NUBPL: variants seen among roughly 807,000 people sequenced by gnomAD.
The protein encoded by NUBPL is NUBP iron-sulfur cluster assembly factor, mitochondrial.
Under a neutral mutation model 45.7 loss-of-function variants are expected in NUBPL, and 31 were observed. The observed-to-expected ratio is 0.68, with a 90% CI of 0.51 to 0.92. The LOEUF (loss-of-function observed/expected upper bound fraction) is 0.92. NUBPL is among the 40% of genes least tolerant of loss of function. NUBPL has a pLI of 0.00. For synonymous variants in NUBPL, 144 were observed against 140.9 expected, an observed-to-expected ratio of 1.02 and a Z score of -0.15; for missense variants, 401 against 398.7, an observed-to-expected ratio of 1.01 and a Z score of -0.05.
chr14:31,679,818 A>G (rs911125556), intron 6 of NUBPL, among the ~76,000 whole-genome samples: 1 of 152,208 alleles, frequency 6.6e-6, no homozygotes, highest in African/African-American at 2.4e-5. Context: ...TATTCAATAT[A>G]TAGAACAATT....
rs141848218 is a variant in NUBPL at position 31,790,846 on chromosome 14, C to T, written c.607+2973C>T. Among the ~76,000 whole-genome samples the T allele has an allele frequency of 6.5e-3, 989 of 152,060 alleles. 11 individuals carry two copies. Among genetic ancestry groups the T allele is most frequent in the African/African-American group, 0.022 (927 of 41,474 alleles). ...AGCCTGGGCGACAAAGTGAGACTGT[C>T]TTAAAAAACAAAAAAACAAAAAACA... On this transcript the variant is annotated intron_variant, in intron 7 of 10. Coordinates refer to ENST00000281081, the MANE Select transcript of NUBPL (RefSeq NM_025152.3).
chr14:31,667,349 G>A (rs2036457689), intron 4 of NUBPL, among the ~76,000 whole-genome samples: 1 of 151,708 alleles, frequency 6.6e-6, no homozygotes, highest in East Asian at 2.0e-4. Flanking sequence ...TTCGACTATT[G>A]ATACTTGTGT....
intron 6 of NUBPL, among the ~76,000 whole-genome samples, chr14:31,689,398 G>T (rs2037041362): frequency 2.6e-5 from 4 of 152,178 alleles, no homozygotes; most frequent in Admixed American, 2.6e-4. Flanking sequence ...TTGTGGTTTT[G>T]ATTTGCATTT....
At chr14:31,564,505 T>TAA (rs60926550) in intron 2 of NUBPL, among the ~76,000 whole-genome samples, 259 of 112,504 alleles carry the variant, frequency 2.3e-3, no homozygotes, top group African/African-American at 7.9e-3. Context: ...ACCCTGTCTG[T>TAA]AAAAAAAAAA....
intron 6 of NUBPL, among the ~76,000 whole-genome samples, chr14:31,769,661 T>A (rs552926203): frequency 1.1e-3 from 165 of 150,340 alleles, no homozygotes; most frequent in African/African-American, 3.8e-3. Context: ...CTCCTTTTTT[T>A]TAAAAAAAAA....
chr14:31,637,327 T>C (rs1475109688), intron 4 of NUBPL, among the ~76,000 whole-genome samples: 1 of 152,252 alleles, frequency 6.6e-6, no homozygotes, highest in African/African-American at 2.4e-5. Context: ...TCTTTATTTC[T>C]ACCTTCATTT....
At chr14:31,778,157 A>G (rs1982014) in intron 6 of NUBPL, among the ~76,000 whole-genome samples, 24,401 of 152,200 alleles carry the variant, frequency 0.16, 5,555 homozygotes, top group African/African-American at 0.51. Context: ...AACTGACTGA[A>G]TAGATGGGAA....
intron 6 of NUBPL, among the ~76,000 whole-genome samples, chr14:31,745,168 A>G (rs1159200724): frequency 6.6e-6 from 1 of 152,064 alleles, no homozygotes; most frequent in Non-Finnish European, 1.5e-5. Context: ...CGTCATTTGC[A>G]TTAGGTATGT....
chr14:31,816,061 G>A (rs558514800), intron 7 of NUBPL, among the ~76,000 whole-genome samples: 131 of 152,268 alleles, frequency 8.6e-4, no homozygotes, highest in African/African-American at 3.0e-3. Context: ...AAATGAGTTA[G>A]GGAGGACTCC....
intron 10 of NUBPL, among the ~76,000 whole-genome samples, chr14:31,854,894 A>G (rs1039832385): frequency 4.6e-5 from 7 of 152,246 alleles, no homozygotes; most frequent in African/African-American, 1.7e-4. Context: ...TTTAGCCTCA[A>G]CAGTTTTTGA....
chr14:31,718,202 T>C (rs1219576580), intron 6 of NUBPL, among the ~76,000 whole-genome samples: 1 of 152,214 alleles, frequency 6.6e-6, no homozygotes, highest in Non-Finnish European at 1.5e-5. Context: ...GTCCCAGATC[T>C]GCTGCTATCT....
intron 4 of NUBPL, among the ~76,000 whole-genome samples, chr14:31,635,250 T>G (rs1358502124): frequency 6.6e-6 from 1 of 152,204 alleles, no homozygotes; most frequent in Non-Finnish European, 1.5e-5. Flanking sequence ...TTAATCCATC[T>G]TGAATTAATT....
intron 6 of NUBPL, among the ~76,000 whole-genome samples, chr14:31,689,970 T>C (rs1016195950): frequency 2.0e-5 from 3 of 151,570 alleles, no homozygotes; most frequent in African/African-American, 7.3e-5. Context: ...GATCAGATGG[T>C]TGTAGGTGTG....
At chr14:31,658,587 A>C (rs2036196572) in intron 4 of NUBPL, among the ~76,000 whole-genome samples, 1 of 151,000 alleles carries the variant, frequency 6.6e-6, no homozygotes. Context: ...ATTTCAGCTC[A>C]CTGCAGCCTC....
chr14:31,809,498 C>A (rs1429763680), intron 7 of NUBPL, among the ~76,000 whole-genome samples: 2 of 151,420 alleles, frequency 1.3e-5, no homozygotes, highest in African/African-American at 4.9e-5. Context: ...CTTTTTGATT[C>A]TTCTCTCTTT....
intron 4 of NUBPL, among the ~76,000 whole-genome samples, chr14:31,615,614 A>G (rs1359797361): frequency 6.6e-6 from 1 of 152,326 alleles, no homozygotes; most frequent in East Asian, 1.9e-4. Flanking sequence ...ATGTTCCTGC[A>G]AAGGACATGA....
rs559725525 is a variant in NUBPL, at chr14:31,638,458, G to T, written c.383-34897G>T. On this transcript the variant is annotated intron_variant, in intron 4 of 10. Coordinates refer to ENST00000281081, the MANE Select transcript of NUBPL (RefSeq NM_025152.3). ...TTGTAGAGTTTCTGCCGAGAGATCC[G>T]CTGTTAGTCTGATGGGCTTCCCTTT... 1.6e-4 allele frequency among the ~76,000 whole-genome samples: 24 copies of T among 151,710 alleles called. 1 individual carries two copies. Among genetic ancestry groups the T allele is most frequent in the Admixed American group, 1.6e-3 (24 of 15,214 alleles).
chr14:31,621,608 A>G (rs946639396), intron 4 of NUBPL, among the ~76,000 whole-genome samples: 7 of 152,074 alleles, frequency 4.6e-5, no homozygotes, highest in African/African-American at 1.7e-4. Context: ...CTCACCCTCC[A>G]TGGGCCGTAC....
At chr14:31,689,860 G>T (rs1382706404) in intron 6 of NUBPL, among the ~76,000 whole-genome samples, 1 of 151,536 alleles carries the variant, frequency 6.6e-6, no homozygotes, top group Non-Finnish European at 1.5e-5. Flanking sequence ...AAGGGATCCA[G>T]TCTGAATCTT....
Sources: gnomAD v4.1 joint callset for allele counts (sites outside exome capture counted in the v4.1 genomes callset) on GRCh38, gnomAD v4.1.1 for gene constraint, MANE v1.5 for transcripts, NCBI Gene and HGNC (gene_info 2026-07-23, HGNC 2026-07-21) for gene names.